The following SEMA6D variants were observed in gnomAD, a reference collection of about 807,000 sequenced individuals.
SEMA6D encodes semaphorin-6D.
Under a neutral mutation model 106.6 loss-of-function variants are expected in SEMA6D, and 35 were observed. That is an observed-to-expected ratio of 0.33 (90% CI 0.25 to 0.44). SEMA6D has a LOEUF of 0.44. SEMA6D is among the 20% of genes least tolerant of loss of function. The pLI is 1.00. For missense variants in SEMA6D, 1,185 were observed against 1,345.9 expected (o/e 0.88, Z 1.87); for synonymous variants, 499 against 487.7 (o/e 1.02, Z -0.31).
intron 1 of SEMA6D, among the ~76,000 whole-genome samples, chr15:47,398,963 A>C (rs1172710768): frequency 2.0e-5 from 3 of 152,210 alleles, no homozygotes; most frequent in Admixed American, 2.0e-4. Flanking sequence ...CCCTTAAAAA[A>C]GGCCGTCAGA....
intron 4 of SEMA6D, among the ~76,000 whole-genome samples, chr15:47,706,511 C>G (rs1391882617): frequency 1.3e-5 from 2 of 152,114 alleles, no homozygotes; most frequent in Non-Finnish European, 2.9e-5. Flanking sequence ...TGTTTTATTT[C>G]TCTCTGCATT....
chr15:47,186,683 C>A (rs1376335121), intron 1 of SEMA6D, among the ~76,000 whole-genome samples: 3 of 152,122 alleles, frequency 2.0e-5, no homozygotes, highest in Admixed American at 1.3e-4. Flanking sequence ...ACCACATGAA[C>A]AATGAATCAA....
chr15:47,575,887 T>C (rs901878696), intron 3 of SEMA6D, among the ~76,000 whole-genome samples: 1 of 152,210 alleles, frequency 6.6e-6, no homozygotes, highest in African/African-American at 2.4e-5. Flanking sequence ...AATGCACATG[T>C]AGTAGGTGCT....
At chr15:47,408,449 T>G (rs1207668706) in intron 1 of SEMA6D, among the ~76,000 whole-genome samples, 1 of 152,246 alleles carries the variant, frequency 6.6e-6, no homozygotes, top group African/African-American at 2.4e-5. Flanking sequence ...TGACTCTGAC[T>G]TCCTTCTATA....
chr15:47,331,912 C>T (rs1289335443), intron 1 of SEMA6D, among the ~76,000 whole-genome samples: 1 of 152,140 alleles, frequency 6.6e-6, no homozygotes, highest in Non-Finnish European at 1.5e-5. Context: ...TCAGCAGAAA[C>T]CTAATGGAGT....
At chr15:47,280,280 A>G (rs1271292216) in intron 1 of SEMA6D, among the ~76,000 whole-genome samples, 3 of 151,832 alleles carry the variant, frequency 2.0e-5, no homozygotes, top group Non-Finnish European at 4.4e-5. Context: ...AGAGGAATTT[A>G]TCCATTTCTT....
chr15:47,456,055 G>T (rs904980805), intron 2 of SEMA6D, among the ~76,000 whole-genome samples: 1 of 151,982 alleles, frequency 6.6e-6, no homozygotes, highest in Non-Finnish European at 1.5e-5. Flanking sequence ...GCCAAGCACA[G>T]TGGTAACTGC....
intron 3 of SEMA6D, among the ~76,000 whole-genome samples, chr15:47,485,597 C>T (rs1443280888): frequency 6.6e-6 from 1 of 152,128 alleles, no homozygotes; most frequent in African/African-American, 2.4e-5. Flanking sequence ...ATCCAGCTTT[C>T]TAGAATGATG....
chr15:47,545,191 C>T lies in SEMA6D; in HGVS notation c.-86-55674C>T, dbSNP rs192086031. On this transcript the variant is annotated intron_variant, in intron 3 of 19. Transcript: ENST00000558014. ...ATAATACTTTAGGATTCTGAAGGGA[C>T]CCAGGGTGAACATCAATCTGCTTTG... is the stretch of plus-strand genomic sequence containing the variant. Among the ~76,000 whole-genome samples the T allele has an allele frequency of 1.3e-3, 198 of 152,118 alleles. 2 individuals are homozygous for T. Among genetic ancestry groups the T allele is most frequent in the African/African-American group, 4.6e-3 (193 of 41,534 alleles).
intron 3 of SEMA6D, among the ~76,000 whole-genome samples, chr15:47,486,882 C>T (rs976147941): frequency 6.6e-6 from 1 of 152,142 alleles, no homozygotes; most frequent in African/African-American, 2.4e-5. Context: ...CCCTGCCATT[C>T]CCTGAGCATC....
At chr15:47,433,537 G>T (rs972574074) in intron 2 of SEMA6D, among the ~76,000 whole-genome samples, 5 of 152,018 alleles carry the variant, frequency 3.3e-5, no homozygotes, top group South Asian at 2.1e-4. Flanking sequence ...TTGACCCCTT[G>T]TAGAGATGTT....
intron 4 of SEMA6D, among the ~76,000 whole-genome samples, chr15:47,687,876 G>A (rs549695295): frequency 6.6e-6 from 1 of 152,162 alleles, no homozygotes; most frequent in East Asian, 1.9e-4. Flanking sequence ...TGTTTAGGGA[G>A]ATGAAAATAT....
At chr15:47,215,469 T>G (rs992299054) in intron 1 of SEMA6D, among the ~76,000 whole-genome samples, 6 of 152,166 alleles carry the variant, frequency 3.9e-5, no homozygotes, top group Non-Finnish European at 8.8e-5. Flanking sequence ...AATATGCTAT[T>G]AATATATTTT....
chr15:47,543,091 AT>A (rs1221438417), intron 3 of SEMA6D, among the ~76,000 whole-genome samples: 1 of 152,174 alleles, frequency 6.6e-6, no homozygotes, highest in African/African-American at 2.4e-5. Flanking sequence ...CTGGGATGTC[AT>A]CAGTTTTATA....
chr15:47,227,059 A>G (rs2031729395), intron 1 of SEMA6D, among the ~76,000 whole-genome samples: 1 of 152,090 alleles, frequency 6.6e-6, no homozygotes, highest in African/African-American at 2.4e-5. Context: ...ATTTGTTAAA[A>G]TGCCAAAGAC....
intron 1 of SEMA6D, among the ~76,000 whole-genome samples, chr15:47,263,245 A>G (rs545723851): frequency 2.6e-5 from 4 of 152,284 alleles, no homozygotes; most frequent in East Asian, 1.9e-4. Flanking sequence ...GAAACTATCA[A>G]CAGTGTAAGC....
In SEMA6D at chr15:47,409,477, G is replaced by A. The variant is rs140732446; in HGVS notation, c.-238-2916G>A. ...ATAATGATATCTCCCACATACTACA[G>A]AATATGGTAAACTCTCTGGACTTCA... On this transcript the variant is annotated intron_variant, in intron 1 of 19. Transcript: ENST00000558014. Among the ~76,000 whole-genome samples, 339 of 152,276 alleles carry A rather than the reference G, an allele frequency of 2.2e-3. 5 individuals carry two copies. Among genetic ancestry groups the A allele is most frequent in the African/African-American group, 7.5e-3 (311 of 41,542 alleles).
intron 4 of SEMA6D, among the ~76,000 whole-genome samples, chr15:47,601,715 A>G (rs763962326): frequency 2.0e-5 from 3 of 152,204 alleles, no homozygotes; most frequent in Admixed American, 6.6e-5. Context: ...TGGGCTTCCA[A>G]TTGAAAATTT....
chr15:47,232,171 G>C (rs2032238548), intron 1 of SEMA6D, among the ~76,000 whole-genome samples: 1 of 151,944 alleles, frequency 6.6e-6, no homozygotes, highest in Admixed American at 6.6e-5. Flanking sequence ...CCATGTTGCA[G>C]TATGATCAAT....
Sources: allele counts gnomAD v4.1 joint callset (sites outside exome capture counted in the v4.1 genomes callset), GRCh38; gene constraint gnomAD v4.1.1; transcripts MANE v1.5; gene names NCBI Gene and HGNC (gene_info 2026-07-23, HGNC 2026-07-21).